The following LRRTM4 variants were observed in gnomAD, a reference collection of about 807,000 sequenced individuals.
LRRTM4 encodes leucine-rich repeat transmembrane neuronal protein 4.
In LRRTM4, 25 loss-of-function variants were observed where a neutral mutation model predicts 47.6. The ratio of observed to expected loss-of-function variants is 0.53; its 90% CI spans 0.38 to 0.73. The LOEUF (loss-of-function observed/expected upper bound fraction) is 0.73. Among genes scored for constraint, LRRTM4 ranks in the 30% least tolerant of loss-of-function variants. The pLI is 0.00. For synonymous variants in LRRTM4, 311 were observed against 269.5 expected, an observed-to-expected ratio of 1.15 and a Z score of -1.51; for missense variants, 638 against 713.4, an observed-to-expected ratio of 0.89 and a Z score of 1.20.
intron 3 of LRRTM4, among the ~76,000 whole-genome samples, chr2:76,927,234 G>A (rs897074459): frequency 3.3e-5 from 5 of 151,946 alleles, no homozygotes; most frequent in African/African-American, 1.2e-4. Flanking sequence ...ATTCTTACAT[G>A]ACCACCCTAG....
intron 3 of LRRTM4, among the ~76,000 whole-genome samples, chr2:77,295,976 C>T (rs548496762): frequency 2.2e-4 from 34 of 152,140 alleles, no homozygotes; most frequent in Non-Finnish European, 3.5e-4. Flanking sequence ...TATAACCTGT[C>T]GAATATATTT....
chr2:77,031,306 T>C (rs1678648085), intron 3 of LRRTM4, among the ~76,000 whole-genome samples: 1 of 152,202 alleles, frequency 6.6e-6, no homozygotes, highest in Non-Finnish European at 1.5e-5. Context: ...TTCACAAATT[T>C]TAGATCAAAT....
At chr2:77,314,789 A>C (rs1677569779) in intron 3 of LRRTM4, among the ~76,000 whole-genome samples, 1 of 152,122 alleles carries the variant, frequency 6.6e-6, no homozygotes, top group African/African-American at 2.4e-5. Flanking sequence ...TTTAGTAGAA[A>C]CCTTACTTAG....
chr2:77,065,684 G>A (rs1035758708), intron 3 of LRRTM4, among the ~76,000 whole-genome samples: 1 of 152,112 alleles, frequency 6.6e-6, no homozygotes, highest in African/African-American at 2.4e-5. Context: ...TGTAACACAG[G>A]AACAAGACAT....
intron 3 of LRRTM4, among the ~76,000 whole-genome samples, chr2:76,776,855 T>A (rs28846470): frequency 1.7e-3 from 236 of 139,402 alleles, no homozygotes; most frequent in East Asian, 4.7e-3. Flanking sequence ...CTGAATGGTA[T>A]TGCCTAGGTT....
chr2:76,951,794 CT>C lies in LRRTM4; in HGVS notation c.1552-202879del, dbSNP rs1675506112. On this transcript the variant is annotated intron_variant, in intron 3 of 3. Transcript: ENST00000409884. ...TCTCCCTCCCCTTGCTCCCCTCCCCCTGACAGGCCCCAGTGTGTGATGTTCC... is the reference window on the plus strand; with the variant it reads ...TCTCCCTCCCCTTGCTCCCCTCCCCCGACAGGCCCCAGTGTGTGATGTTCC... Among the ~76,000 whole-genome samples, 7 of 151,946 alleles carry C rather than the reference CT, an allele frequency of 4.6e-5. No individual in the cohort carries two copies. In the South Asian group the frequency reaches 1.5e-3, roughly 32 times the overall value.
chr2:77,007,345 GAC>G (rs1468926654), intron 3 of LRRTM4, among the ~76,000 whole-genome samples: 2 of 152,082 alleles, frequency 1.3e-5, no homozygotes, highest in African/African-American at 2.4e-5. Flanking sequence ...AGTAACTTTA[GAC>G]ACAGTGCAAA....
intron 3 of LRRTM4, among the ~76,000 whole-genome samples, chr2:76,977,784 T>C (rs192020714): frequency 7.2e-4 from 110 of 152,092 alleles, no homozygotes; most frequent in Non-Finnish European, 1.1e-3. Context: ...ATCTAAAGCA[T>C]AGGGAATGTA....
intron 3 of LRRTM4, among the ~76,000 whole-genome samples, chr2:77,029,388 G>A (rs1368325600): frequency 6.6e-6 from 1 of 152,012 alleles, no homozygotes; most frequent in African/African-American, 2.4e-5. Flanking sequence ...GTGGCTGAAG[G>A]CCCAAGAGCC....
intron 3 of LRRTM4, among the ~76,000 whole-genome samples, chr2:77,062,723 T>C (rs1679826113): frequency 6.6e-6 from 1 of 152,148 alleles, no homozygotes; most frequent in Non-Finnish European, 1.5e-5. Context: ...TAATTTTCAA[T>C]GTATCTTATT....
chr2:77,388,069 G>A (rs1042647720), intron 3 of LRRTM4, among the ~76,000 whole-genome samples: 25 of 151,754 alleles, frequency 1.6e-4, no homozygotes, highest in African/African-American at 5.8e-4. Context: ...TTGTCATTGC[G>A]TGGTAAATTG....
chr2:77,450,953 G>C (rs1437248783), intron 3 of LRRTM4, among the ~76,000 whole-genome samples: 2 of 152,054 alleles, frequency 1.3e-5, no homozygotes, highest in Admixed American at 6.6e-5. Flanking sequence ...CATTCAAAGA[G>C]TTCAACAATC....
At chr2:77,109,000 A>G (rs1258424137) in intron 3 of LRRTM4, among the ~76,000 whole-genome samples, 1 of 152,228 alleles carries the variant, frequency 6.6e-6, no homozygotes. Flanking sequence ...GAATTTCTCC[A>G]AAACATATAC....
At chr2:77,021,118 C>G (rs553463166) in intron 3 of LRRTM4, among the ~76,000 whole-genome samples, 1 of 151,628 alleles carries the variant, frequency 6.6e-6, no homozygotes, top group Non-Finnish European at 1.5e-5. Context: ...ATGTATCTAT[C>G]TATCTATCTA....
intron 3 of LRRTM4, among the ~76,000 whole-genome samples, chr2:76,795,739 TTTATGAGGCCAACA>T (rs1675264933): frequency 6.6e-6 from 1 of 152,044 alleles, no homozygotes; most frequent in African/African-American, 2.4e-5. Context: ...GGATACTCAT[TTTATGAGGCCAACA>T]TTACCCTGAC....
chr2:77,171,514 T>G (rs1446184689), intron 3 of LRRTM4, among the ~76,000 whole-genome samples: 3 of 152,040 alleles, frequency 2.0e-5, no homozygotes, highest in Non-Finnish European at 4.4e-5. Context: ...TGACCTCAAG[T>G]GATCCACCCG....
chr2:76,858,830 T>A (rs1255263109), intron 3 of LRRTM4, among the ~76,000 whole-genome samples: 1 of 152,168 alleles, frequency 6.6e-6, no homozygotes, highest in Non-Finnish European at 1.5e-5. Context: ...TCTTTCTAAT[T>A]TAATTTAGAT....
intron 3 of LRRTM4, among the ~76,000 whole-genome samples, chr2:76,885,627 G>A (rs1001859897): frequency 6.6e-5 from 10 of 151,784 alleles, no homozygotes; most frequent in African/African-American, 2.4e-4. Context: ...CACCACGTCC[G>A]GCTAATTGTT....
At chr2:77,256,818 A>G (rs1228577324) in intron 3 of LRRTM4, among the ~76,000 whole-genome samples, 1 of 148,898 alleles carries the variant, frequency 6.7e-6, no homozygotes, top group African/African-American at 2.6e-5. Context: ...ACCAGTTGAT[A>G]AAGTCCATAG....
Sources: allele counts gnomAD v4.1 joint callset (sites outside exome capture counted in the v4.1 genomes callset), GRCh38; gene constraint gnomAD v4.1.1; transcripts MANE v1.5; gene names NCBI Gene and HGNC (gene_info 2026-07-23, HGNC 2026-07-21).